The following TPPP variants were observed in gnomAD, a reference collection of about 807,000 sequenced individuals.
TPPP encodes tubulin polymerization-promoting protein.
In TPPP, 6 loss-of-function variants were observed where a neutral mutation model predicts 15.5. The observed-to-expected ratio is 0.39, with a 90% CI of 0.21 to 0.77. The LOEUF (loss-of-function observed/expected upper bound fraction) is 0.77. Among genes scored for constraint, TPPP ranks in the 30% least tolerant of loss-of-function variants. TPPP has a pLI of 0.42. For synonymous variants in TPPP, 146 were observed against 133.9 expected, an observed-to-expected ratio of 1.09 and a Z score of -0.63; for missense variants, 269 against 307.2, an observed-to-expected ratio of 0.88 and a Z score of 0.93.
In TPPP at chr5:677,973, T is replaced by A; in HGVS notation, c.88A>T (p.Arg30Trp). 1 of 1,610,600 alleles carries A rather than the reference T, an allele frequency of 6.2e-7. No homozygotes were observed. The highest frequency in any genetic ancestry group is 8.5e-7 in the Non-Finnish European group (1 of 1,178,940). Reference protein sequence around the residue: ...GDPSKDRAAKRLSLESEGAGE... With the variant: ...GDPSKDRAAKWLSLESEGAGE... ...GCACCCTCCGATTCCAGCGACAGCC[T>A]CTTGGCTGCCCGGTCCTTCGAGGGG... Residue 30 changes from arginine (R) to tryptophan (W), a missense_variant, in exon 2 of 4, where the codon AGG becomes TGG. Coordinates refer to ENST00000360578, the MANE Select transcript of TPPP (RefSeq NM_007030.3).
rs576998050 is a variant in TPPP at position 673,958 on chromosome 5, C to T, written c.311+3792G>A. Among the ~76,000 whole-genome samples, 8 of 152,340 alleles carry T rather than the reference C, an allele frequency of 5.3e-5. No individual in the cohort carries two copies. The South Asian group carries it at 1.0e-3, about 20-fold the overall frequency. On this transcript the variant is annotated intron_variant, in intron 2 of 3. Coordinates refer to ENST00000360578, the MANE Select transcript of TPPP (RefSeq NM_007030.3). Reference sequence around the variant, plus strand: ...GTGTGCAGGCGTGTGTGTGCACATGCGGCCATGTGCATGCACACATGCGCC... The same window carrying T: ...GTGTGCAGGCGTGTGTGTGCACATGTGGCCATGTGCATGCACACATGCGCC...
chr5:664,935 C>T lies in TPPP; in HGVS notation c.*167G>A, dbSNP rs979434049. On this transcript the variant is annotated 3_prime_UTR_variant, in exon 4 of 4. Transcript: ENST00000360578. ...TTGAGAGGGGAGTGCTGGGGGCATC[C>T]GGTAGGAGGAGGGGCAGGAGGGAGG... The T allele has an allele frequency of 1.5e-5, 11 of 725,978 alleles. No individual in the cohort carries two copies. The highest frequency in any genetic ancestry group is 2.7e-5 in the East Asian group (1 of 36,988). The allele number at this position is 725,978 out of a possible 1,614,324, so 45.0% of individuals were successfully genotyped here.
At chr5:693,119 G>T (rs1460706851) in intron 1 of TPPP, among the ~76,000 whole-genome samples, 159 bp downstream of exon 1, 1 of 96,104 alleles carries the variant, frequency 1.0e-5, no homozygotes, top group African/African-American at 3.6e-5. Flanking sequence ...TCCCAATCCG[G>T]GGGCTCAGGG....
intron 1 of TPPP, among the ~76,000 whole-genome samples, chr5:679,643 C>G (rs947164419): frequency 4.6e-5 from 7 of 152,066 alleles, no homozygotes; most frequent in African/African-American, 9.7e-5. Context: ...GCACCCAGAA[C>G]AGTGGTGGGT....
rs1739730283 is a variant in TPPP at position 663,099 on chromosome 5, T to C, written c.*2003A>G. On this transcript the variant is annotated 3_prime_UTR_variant, in exon 4 of 4. Coordinates refer to ENST00000360578, the MANE Select transcript of TPPP (RefSeq NM_007030.3). ...GACTGCTTGTCTGTGATTGGGCGAT[T>C]CCGGTGGCCGCTCGTCTGTGATCGG... 6.6e-6 allele frequency: 1 copy of C among 151,376 alleles called. No homozygotes were observed. Among genetic ancestry groups the C allele is most frequent in the Admixed American group, 6.6e-5 (1 of 15,202 alleles). The allele number at this position is 151,376 out of a possible 1,614,324, so 9.4% of individuals were successfully genotyped here. A position where few individuals can be genotyped will look rare whatever the true frequency, so the allele number is the denominator to read the frequency against.
chr5:679,459 A>G (rs201398851), intron 1 of TPPP, among the ~76,000 whole-genome samples: 10,279 of 135,456 alleles, frequency 0.076, 780 homozygotes, highest in African/African-American at 0.17. Context: ...TGGAAGGGCC[A>G]GGTCAGGTGT....
At chr5:700,569 T>A in the TPPP span, among the ~76,000 whole-genome samples, 2 of 152,008 alleles carry the variant, frequency 1.3e-5, no homozygotes, top group Non-Finnish European at 1.5e-5. Context: ...AATCTGCACT[T>A]CTACCCCTTA....
rs566811842 is a variant in TPPP at position 662,989 on chromosome 5, G to A, written c.*2113C>T. ...GATCGGGTGATTCCGATGACTGCTC[G>A]TCTGTGATCGGGCGAGTCTGGTGAC... On this transcript the variant is annotated 3_prime_UTR_variant, in exon 4 of 4. Coordinates refer to ENST00000360578, the MANE Select transcript of TPPP (RefSeq NM_007030.3). The A allele has an allele frequency of 6.6e-6, 1 of 150,538 alleles. No homozygotes were observed. The highest frequency in any genetic ancestry group is 1.4e-5 in the Non-Finnish European group (1 of 69,550). 9.3% of individuals were successfully genotyped at this position (150,538 alleles called of 1,614,324 possible). A position where few individuals can be genotyped will look rare whatever the true frequency, so the allele number is the denominator to read the frequency against.
At chr5:679,185 C>T (rs1015646083) in intron 1 of TPPP, among the ~76,000 whole-genome samples, 9 of 152,086 alleles carry the variant, frequency 5.9e-5, no homozygotes, top group South Asian at 2.1e-4. Context: ...GCTCTGTAAT[C>T]GTGGGGTCCT....
intron 2 of TPPP, among the ~76,000 whole-genome samples, chr5:671,065 C>G (rs919700283): frequency 6.6e-6 from 1 of 152,162 alleles, no homozygotes; most frequent in Non-Finnish European, 1.5e-5. Context: ...CCAGGCACAC[C>G]CACCATGAAG....
chr5:684,993 G>T (rs949469237), intron 1 of TPPP, among the ~76,000 whole-genome samples: 1 of 152,134 alleles, frequency 6.6e-6, no homozygotes, highest in African/African-American at 2.4e-5. Context: ...GGTGCACACG[G>T]CCGGGGCCGC....
At chr5:696,089 C>A (rs1402792649), upstream of TPPP, among the ~76,000 whole-genome samples, 1 of 113,482 alleles carries the variant, frequency 8.8e-6, no homozygotes, top group Non-Finnish European at 1.9e-5. Flanking sequence ...GCGCCCACCC[C>A]TGCCTGGGTT....
intron 1 of TPPP, among the ~76,000 whole-genome samples, chr5:685,532 C>A (rs1257311122): frequency 6.6e-6 from 1 of 152,224 alleles, no homozygotes; most frequent in South Asian, 2.1e-4. Context: ...GGGCCCTGCA[C>A]AAGGAGCCTT....
At chr5:697,973 A>G (rs1359238908), upstream of TPPP, among the ~76,000 whole-genome samples, 10 of 144,624 alleles carry the variant, frequency 6.9e-5, 1 homozygote, top group African/African-American at 2.3e-4. Flanking sequence ...GCACATCAAA[A>G]GGATAATACA....
At chr5:697,096 G>A (rs1405722111), upstream of TPPP, among the ~76,000 whole-genome samples, 1 of 150,474 alleles carries the variant, frequency 6.6e-6, no homozygotes, top group Non-Finnish European at 1.5e-5. Context: ...GTGTGTTTGG[G>A]CTGTGATTGC....
chr5:685,201 G>C (rs1740734465), intron 1 of TPPP, among the ~76,000 whole-genome samples: 1 of 152,222 alleles, frequency 6.6e-6, no homozygotes, highest in African/African-American at 2.4e-5. Context: ...GGATCGCTAG[G>C]ATGGGGTCTC....
chr5:672,964 G>C (rs1338941236), intron 2 of TPPP, among the ~76,000 whole-genome samples: 1 of 152,230 alleles, frequency 6.6e-6, no homozygotes. Flanking sequence ...CCCCGAGCTG[G>C]CGCCACGCCG....
At chr5:679,401 GCAGGA>G (rs1740557670) in intron 1 of TPPP, among the ~76,000 whole-genome samples, 1 of 112,316 alleles carries the variant, frequency 8.9e-6, no homozygotes, top group South Asian at 3.6e-4. Flanking sequence ...CCGCGTGGGG[GCAGGA>G]TCCTGGGGGT....
At chr5:688,650 G>A (rs1171455945) in intron 1 of TPPP, among the ~76,000 whole-genome samples, 3 of 147,932 alleles carry the variant, frequency 2.0e-5, no homozygotes, top group Admixed American at 6.8e-5. Flanking sequence ...GGGACACGTG[G>A]GCACTGACGA....
Sources: allele counts gnomAD v4.1 joint callset (sites outside exome capture counted in the v4.1 genomes callset), GRCh38; gene constraint gnomAD v4.1.1; transcripts MANE v1.5; gene names NCBI Gene and HGNC (gene_info 2026-07-23, HGNC 2026-07-21).